DAB1: variants seen among roughly 807,000 people sequenced by gnomAD.
DAB1 encodes DAB adaptor protein 1.
In DAB1, 15 loss-of-function variants were observed where a neutral mutation model predicts 64.6. The ratio of observed to expected loss-of-function variants is 0.23; its 90% CI spans 0.16 to 0.36. The LOEUF (loss-of-function observed/expected upper bound fraction) is 0.36. DAB1 is among the 10% of genes least tolerant of loss of function. The pLI, the probability that DAB1 is intolerant of heterozygous loss-of-function variation, is 1.00. For synonymous variants in DAB1, 235 were observed against 251.9 expected (o/e 0.93, Z 0.64); for missense variants, 596 against 706.7 (o/e 0.84, Z 1.78).
At chr1:57,915,733 G>A (rs911003368) in intron 5 of DAB1, among the ~76,000 whole-genome samples, 5 of 152,122 alleles carry the variant, frequency 3.3e-5, no homozygotes, top group East Asian at 1.9e-4. Flanking sequence ...TGACGTAGAC[G>A]GGGAAAGGGG....
At chr1:57,139,241 T>G (rs532954) in intron 3 of DAB1, among the ~76,000 whole-genome samples, 26 of 152,244 alleles carry the variant, frequency 1.7e-4, no homozygotes, top group Non-Finnish European at 3.4e-4. Flanking sequence ...GGATTAGCGT[T>G]CTTATAAAAA....
intron 2 of DAB1, among the ~76,000 whole-genome samples, chr1:58,508,717 C>G (rs999092264): frequency 3.9e-5 from 6 of 152,040 alleles, no homozygotes; most frequent in Non-Finnish European, 8.8e-5. Context: ...CCCTAGATAT[C>G]TAGGGGCCAG....
At chr1:57,978,816 T>C (rs1645988338) in intron 5 of DAB1, among the ~76,000 whole-genome samples, 1 of 152,062 alleles carries the variant, frequency 6.6e-6, no homozygotes, top group South Asian at 2.1e-4. Context: ...ATATGAAAAA[T>C]GCTCATCATC....
intron 3 of DAB1, among the ~76,000 whole-genome samples, chr1:58,426,259 C>T (rs1227252865): frequency 2.0e-5 from 3 of 152,140 alleles, no homozygotes; most frequent in Non-Finnish European, 4.4e-5. Flanking sequence ...GCTCTGTCTA[C>T]CATACCACAT....
chr1:57,228,075 C>T (rs1424149190), intron 2 of DAB1, among the ~76,000 whole-genome samples: 1 of 152,192 alleles, frequency 6.6e-6, no homozygotes, highest in Non-Finnish European at 1.5e-5. Context: ...CATACATTAA[C>T]CTTTTCCTCT....
intron 13 of DAB1, 22 bp from the exon 14 acceptor site, chr1:57,010,812 C>T (rs1244337607): frequency 1.4e-6 from 2 of 1,432,506 alleles, no homozygotes; most frequent in Non-Finnish European, 9.4e-7. Context: ...GAAGATAATA[C>T]TTTTTTTTTT....
At chr1:57,072,064 TAAA>T (rs71800606) in intron 5 of DAB1, among the ~76,000 whole-genome samples, 632 of 139,352 alleles carry the variant, frequency 4.5e-3, no homozygotes, top group South Asian at 0.016. Context: ...ACCCATTAGT[TAAA>T]AAAAAAAAAA....
intron 5 of DAB1, among the ~76,000 whole-genome samples, chr1:58,033,408 T>C (rs931283160): frequency 1.3e-5 from 2 of 152,160 alleles, no homozygotes; most frequent in South Asian, 2.1e-4. Context: ...CGGTTCCTTA[T>C]GGTTTCCTTA....
chr1:57,553,823 T>C (rs1385831453), intron 7 of DAB1, among the ~76,000 whole-genome samples: 3 of 152,062 alleles, frequency 2.0e-5, no homozygotes, highest in Non-Finnish European at 2.9e-5. Context: ...AGGGTGCTCA[T>C]TGGCAATCCT....
rs762841667 is a variant in DAB1, at chr1:57,136,674, G to A, written c.208-33C>T. On this transcript the variant is annotated intron_variant, in intron 3 of 14. Transcript: ENST00000371236. ...AAGGAAGAACATGGTTTTTACTTAA[G>A]TGTTTTCATTTGAAAATTCTCTCTG... The A allele has an allele frequency of 1.1e-5, 16 of 1,442,572 alleles. No homozygotes were observed. The South Asian group carries it at 1.7e-4, about 15-fold the overall frequency. The allele number at this position is 1,442,572 out of a possible 1,614,324, so 89.4% of individuals were successfully genotyped here.
intron 1 of DAB1, among the ~76,000 whole-genome samples, chr1:57,416,984 AC>A: frequency 6.6e-6 from 1 of 152,314 alleles, no homozygotes; most frequent in African/African-American, 2.4e-5. Flanking sequence ...TGGACAAAAT[AC>A]CATTTCTTTT....
intron 2 of DAB1, among the ~76,000 whole-genome samples, chr1:58,515,857 A>G (rs972570509): frequency 4.6e-5 from 7 of 152,212 alleles, no homozygotes; most frequent in Non-Finnish European, 7.4e-5. Flanking sequence ...GGTAGATTAA[A>G]TTAGCTCCAA....
At chr1:57,221,888 C>T (rs1666903073) in intron 2 of DAB1, among the ~76,000 whole-genome samples, 2 of 139,220 alleles carry the variant, frequency 1.4e-5, no homozygotes, top group African/African-American at 2.6e-5. Flanking sequence ...AGTTAAATGT[C>T]ATTTTTTTTT....
chr1:58,164,205 A>G (rs2100754239), intron 4 of DAB1, among the ~76,000 whole-genome samples: 1 of 151,438 alleles, frequency 6.6e-6, no homozygotes, highest in East Asian at 1.9e-4. Flanking sequence ...AAAAAAAAAA[A>G]AAAAAGATGA....
At chr1:57,940,246 C>T (rs540415635) in intron 5 of DAB1, among the ~76,000 whole-genome samples, 1 of 152,266 alleles carries the variant, frequency 6.6e-6, no homozygotes, top group African/African-American at 2.4e-5. Flanking sequence ...GCCATGATGC[C>T]GGCTGTATAT....
At chr1:58,363,913 T>A (rs1404944978) in intron 3 of DAB1, among the ~76,000 whole-genome samples, 1 of 152,202 alleles carries the variant, frequency 6.6e-6, no homozygotes, top group Non-Finnish European at 1.5e-5. Context: ...CATAGAACAG[T>A]GCATGGATTG....
At chr1:58,471,257 A>T (rs546880537) in intron 3 of DAB1, among the ~76,000 whole-genome samples, 248 of 152,326 alleles carry the variant, frequency 1.6e-3, no homozygotes, top group Non-Finnish European at 2.8e-3. Flanking sequence ...CTTGGAAGGC[A>T]GGGATAAAAG....
At chr1:57,512,848 G>A (rs11207047) in intron 7 of DAB1, among the ~76,000 whole-genome samples, 8,515 of 152,188 alleles carry the variant, frequency 0.056, 816 homozygotes, top group African/African-American at 0.19. Flanking sequence ...GGCATCATGA[G>A]AGGAAGGAGC....
chr1:57,589,168 C>T (rs1457034655), intron 7 of DAB1, among the ~76,000 whole-genome samples: 1 of 151,966 alleles, frequency 6.6e-6, no homozygotes, highest in Non-Finnish European at 1.5e-5. Flanking sequence ...TGCAGTGAGC[C>T]GAGATCATGC....
Sources: gnomAD v4.1 joint callset for allele counts (sites outside exome capture counted in the v4.1 genomes callset) on GRCh38, gnomAD v4.1.1 for gene constraint, MANE v1.5 for transcripts, NCBI Gene and HGNC (gene_info 2026-07-23, HGNC 2026-07-21) for gene names.